The following IGFL2 variants were observed in gnomAD, a reference collection of about 807,000 sequenced individuals.
The protein encoded by IGFL2 is IGF like family member 2, also known as insulin growth factor-like family member 2.
A neutral mutation model predicts 13.9 loss-of-function variants in IGFL2; 7 were observed. That is an observed-to-expected ratio of 0.51 (90% confidence interval 0.29 to 0.95). The LOEUF (loss-of-function observed/expected upper bound fraction) is 0.95, where lower values mean the gene tolerates loss of function less well. IGFL2 is among the 40% of genes least tolerant of loss of function. The pLI, the probability that IGFL2 is intolerant of heterozygous loss-of-function variation, is 0.08. For missense variants in IGFL2, 138 were observed against 147.8 expected, an observed-to-expected ratio of 0.93 and a Z score of 0.34; for synonymous variants, 55 against 55.8, an observed-to-expected ratio of 0.99 and a Z score of 0.07.
At chr19:46,145,598 A>ATGTGTG (rs765380139), upstream of IGFL2, among the ~76,000 whole-genome samples, 1,593 of 138,356 alleles carry the variant, frequency 0.012, 22 homozygotes, top group African/African-American at 0.037. Flanking sequence ...ACACTCATAT[A>ATGTGTG]TATGTGTGTG....
chr19:46,153,099 T>C (rs546642580), intron 1 of IGFL2, among the ~76,000 whole-genome samples: 60 of 152,380 alleles, frequency 3.9e-4, no homozygotes, highest in African/African-American at 1.1e-3. Flanking sequence ...TTTGAACTTA[T>C]ATTCATAAGA....
chr19:46,124,463 C>T, the IGFL2 span: 1 of 1,148,358 alleles, frequency 8.7e-7, no homozygotes, highest in Middle Eastern at 2.0e-4. Context: ...GGATCCCGTT[C>T]AGGCAGGCCC....
At chr19:46,102,890 C>A in the IGFL2 span, among the ~76,000 whole-genome samples, 1 of 151,938 alleles carries the variant, frequency 6.6e-6, no homozygotes, top group South Asian at 2.1e-4. Flanking sequence ...GGATTAGGGG[C>A]AGCATGGGAA....
the IGFL2 span, among the ~76,000 whole-genome samples, chr19:46,171,793 T>C: frequency 6.6e-6 from 1 of 152,172 alleles, no homozygotes; most frequent in Non-Finnish European, 1.5e-5. Context: ...ATGGCCTAGA[T>C]GGAGGATATT....
At position 46,160,575 on chromosome 19, in the gene IGFL2, C is replaced by T. The variant is rs10406995; in HGVS notation, c.74-39C>T. 2.6e-3 allele frequency: 4,158 copies of T among 1,613,566 alleles called. 98 individuals carry two copies. In the African/African-American group the frequency reaches 0.049, roughly 19 times the overall value. ...ATTGGGGGATGTAGTGCCTGGTTATCCTTGAGCTCACACCAACAATGTCTG... is the reference window on the plus strand; with the variant it reads ...ATTGGGGGATGTAGTGCCTGGTTATTCTTGAGCTCACACCAACAATGTCTG... On this transcript the variant is annotated intron_variant, in intron 2 of 3. Coordinates refer to ENST00000377693, the MANE Select transcript of IGFL2 (RefSeq NM_001135113.2).
At chr19:46,149,543 A>C (rs1305419145) in intron 1 of IGFL2, among the ~76,000 whole-genome samples, 5 of 149,046 alleles carry the variant, frequency 3.4e-5, no homozygotes, top group Non-Finnish European at 7.4e-5. Context: ...TTTCCCCTCT[A>C]CCCTCACCCT....
the IGFL2 span, among the ~76,000 whole-genome samples, chr19:46,167,265 T>A: frequency 6.6e-6 from 1 of 152,202 alleles, no homozygotes; most frequent in Non-Finnish European, 1.5e-5. Flanking sequence ...AGTGAAGAAC[T>A]GGTGCCCACC....
At chr19:46,201,921 G>A in the IGFL2 span, among the ~76,000 whole-genome samples, 1 of 152,022 alleles carries the variant, frequency 6.6e-6, no homozygotes. Flanking sequence ...GGCAGGTTGG[G>A]GAGGGCTAGT....
At chr19:46,140,297 C>G (rs373098966), upstream of IGFL2, among the ~76,000 whole-genome samples, 6 of 151,488 alleles carry the variant, frequency 4.0e-5, no homozygotes, top group South Asian at 2.1e-4. Flanking sequence ...ACATGTTTTT[C>G]AAGTCTACAT....
chr19:46,155,549 TTCA>T (rs1973776024), intron 1 of IGFL2, among the ~76,000 whole-genome samples: 1 of 152,240 alleles, frequency 6.6e-6, no homozygotes, highest in Non-Finnish European at 1.5e-5. Flanking sequence ...AAAAATAATT[TTCA>T]TCAGTTAAAT....
At chr19:46,197,992 C>T in the IGFL2 span, 1 of 133,298 alleles carries the variant, frequency 7.5e-6, no homozygotes, top group Non-Finnish European at 1.6e-5. Flanking sequence ...CACCTGGCCC[C>T]TCCCCTCCCC....
the IGFL2 span, among the ~76,000 whole-genome samples, chr19:46,194,344 T>G: frequency 6.6e-6 from 1 of 152,096 alleles, no homozygotes; most frequent in Non-Finnish European, 1.5e-5. Flanking sequence ...GCTGTCAATC[T>G]CTTTGTTAGA....
chr19:46,094,720 C>T, the IGFL2 span, among the ~76,000 whole-genome samples: 1 of 152,066 alleles, frequency 6.6e-6, no homozygotes, highest in African/African-American at 2.4e-5. Context: ...TGTTGTTCCC[C>T]TCTCTGTGTC....
upstream of IGFL2, among the ~76,000 whole-genome samples, chr19:46,139,185 AG>A (rs1972741805): frequency 6.6e-6 from 1 of 151,594 alleles, no homozygotes; most frequent in Non-Finnish European, 1.5e-5. Flanking sequence ...CTCCCCTTGC[AG>A]CTGAGGGCCT....
intron 1 of IGFL2, among the ~76,000 whole-genome samples, chr19:46,158,328 G>A (rs1973935105): frequency 6.6e-6 from 1 of 151,894 alleles, no homozygotes; most frequent in Non-Finnish European, 1.5e-5. Context: ...CCTGCCTCAG[G>A]CCCCCTAGTA....
chr19:46,186,100 T>C, the IGFL2 span, among the ~76,000 whole-genome samples: 1 of 152,286 alleles, frequency 6.6e-6, no homozygotes, highest in East Asian at 1.9e-4. Context: ...AGTGTGTCCT[T>C]TGCTTGGCAG....
the IGFL2 span, among the ~76,000 whole-genome samples, chr19:46,121,521 T>G: frequency 2.7e-5 from 4 of 150,402 alleles, no homozygotes; most frequent in African/African-American, 7.4e-5. Context: ...AGGAGTAGTA[T>G]TTTCTCTCAG....
chr19:46,141,732 C>G (rs2146804928), upstream of IGFL2, among the ~76,000 whole-genome samples: 1 of 152,246 alleles, frequency 6.6e-6, no homozygotes, highest in Admixed American at 6.5e-5. Flanking sequence ...CACCCTGCTT[C>G]CAACTTCCCT....
chr19:46,146,192 A>G (rs948065047), upstream of IGFL2, among the ~76,000 whole-genome samples: 1 of 151,512 alleles, frequency 6.6e-6, no homozygotes, highest in Non-Finnish European at 1.5e-5. Flanking sequence ...GTCTCACACC[A>G]TTTGTTGAAA....
Sources: allele counts gnomAD v4.1 joint callset (sites outside exome capture counted in the v4.1 genomes callset), GRCh38; gene constraint gnomAD v4.1.1; transcripts MANE v1.5; gene names NCBI Gene and HGNC (gene_info 2026-07-23, HGNC 2026-07-21).